FBXO4: variants seen among roughly 807,000 people sequenced by gnomAD.
FBXO4 encodes the protein F-box protein 4.
Under a neutral mutation model 43.7 loss-of-function variants are expected in FBXO4, and 36 were observed. The observed-to-expected ratio is 0.82, with a 90% confidence interval of 0.63 to 1.09. The LOEUF is 1.09. Ranked by LOEUF, FBXO4 falls within the 50% of genes least tolerant of loss-of-function variation. The pLI, the probability that FBXO4 is intolerant of heterozygous loss-of-function variation, is 0.00. For synonymous variants in FBXO4, 180 were observed against 165.6 expected (o/e 1.09, Z -0.67); for missense variants, 435 against 474.1 (o/e 0.92, Z 0.77).
downstream of FBXO4, among the ~76,000 whole-genome samples, chr5:41,946,610 C>A (rs1752080486): frequency 6.6e-6 from 1 of 152,168 alleles, no homozygotes; most frequent in South Asian, 2.1e-4. Flanking sequence ...AACAATTTTA[C>A]ATGCCAAGTG....
chr5:41,999,526 TATATATATAC>T, the FBXO4 span, among the ~76,000 whole-genome samples: 2 of 113,468 alleles, frequency 1.8e-5, no homozygotes. Context: ...TATATATACA[TATATATATAC>T]ATATATATGT....
the FBXO4 span, among the ~76,000 whole-genome samples, chr5:42,011,640 C>T: frequency 6.6e-6 from 1 of 152,134 alleles, no homozygotes; most frequent in Non-Finnish European, 1.5e-5. Flanking sequence ...TATTGTTTCT[C>T]ATTATTATAA....
chr5:41,949,902 A>G, the FBXO4 span, among the ~76,000 whole-genome samples: 9 of 152,218 alleles, frequency 5.9e-5, no homozygotes, highest in African/African-American at 9.6e-5. Flanking sequence ...GCCCTCAGAA[A>G]TAATGCCACA....
At chr5:42,015,662 C>T in the FBXO4 span, among the ~76,000 whole-genome samples, 1 of 151,784 alleles carries the variant, frequency 6.6e-6, no homozygotes, top group Non-Finnish European at 1.5e-5. Context: ...CTCTTTCTTT[C>T]TGCTCTGGTG....
chr5:41,993,881 G>T, the FBXO4 span, among the ~76,000 whole-genome samples: 151,376 of 152,140 alleles, frequency 0.99, 75,331 homozygotes, highest in Middle Eastern at 1. Context: ...GCTTTATATT[G>T]GCTGGCAGCT....
chr5:42,016,476 A>G, the FBXO4 span, among the ~76,000 whole-genome samples: 28 of 151,116 alleles, frequency 1.9e-4, no homozygotes, highest in South Asian at 5.2e-3. Context: ...AGCAGACTAG[A>G]AAAACAAAAA....
the FBXO4 span, among the ~76,000 whole-genome samples, chr5:41,997,867 T>C: frequency 1.3e-5 from 2 of 152,136 alleles, no homozygotes; most frequent in African/African-American, 4.8e-5. Flanking sequence ...GGGTTCTTCC[T>C]CAAGGGGACC....
At chr5:41,951,525 C>A in the FBXO4 span, 2 of 259,432 alleles carry the variant, frequency 7.7e-6, no homozygotes, top group South Asian at 4.7e-5. Flanking sequence ...CCCTGAAATT[C>A]CTCCTTGGTC....
At chr5:42,004,040 C>A in the FBXO4 span, among the ~76,000 whole-genome samples, 2 of 152,142 alleles carry the variant, frequency 1.3e-5, no homozygotes, top group African/African-American at 4.8e-5. Flanking sequence ...GAATATTATG[C>A]AGCCATGAAA....
the FBXO4 span, among the ~76,000 whole-genome samples, chr5:42,027,806 C>G: frequency 6.6e-6 from 1 of 151,828 alleles, no homozygotes; most frequent in Non-Finnish European, 1.5e-5. Context: ...CATTCAGGAG[C>G]CTATTCTTTA....
the FBXO4 span, among the ~76,000 whole-genome samples, chr5:42,032,431 G>A: frequency 6.6e-6 from 1 of 152,056 alleles, no homozygotes. Context: ...AGCTGAGCTG[G>A]CACTCAATTC....
At chr5:41,995,148 GC>G in the FBXO4 span, among the ~76,000 whole-genome samples, 1 of 152,130 alleles carries the variant, frequency 6.6e-6, no homozygotes, top group Non-Finnish European at 1.5e-5. Flanking sequence ...ATGAGCATAA[GC>G]CCACTGCCAC....
At chr5:41,967,655 C>T in the FBXO4 span, 3 of 767,886 alleles carry the variant, frequency 3.9e-6, no homozygotes, top group Admixed American at 1.8e-5. Flanking sequence ...TTCCCACACA[C>T]TGCATGGAGT....
chr5:41,947,066 A>T, the FBXO4 span, among the ~76,000 whole-genome samples: 2 of 152,242 alleles, frequency 1.3e-5, no homozygotes, highest in African/African-American at 4.8e-5. Context: ...TTGAATAAAT[A>T]GGTGATACAT....
chr5:41,951,622 G>T, the FBXO4 span: 1 of 207,202 alleles, frequency 4.8e-6, no homozygotes, highest in East Asian at 1.7e-4. Context: ...TCTCCCATGG[G>T]TGTTCACAGG....
the FBXO4 span, among the ~76,000 whole-genome samples, chr5:42,037,747 T>C: frequency 6.6e-6 from 1 of 152,184 alleles, no homozygotes. Flanking sequence ...CAGCAAAGAA[T>C]GTAGTTTTCA....
At chr5:42,026,423 A>G in the FBXO4 span, among the ~76,000 whole-genome samples, 1 of 152,028 alleles carries the variant, frequency 6.6e-6, no homozygotes, top group Non-Finnish European at 1.5e-5. Flanking sequence ...GCATCCTGCA[A>G]CTTTCCTGAA....
intron 2 of FBXO4, among the ~76,000 whole-genome samples, chr5:41,927,579 A>T (rs1751547505): frequency 6.6e-6 from 1 of 152,230 alleles, no homozygotes; most frequent in Non-Finnish European, 1.5e-5. Context: ...CAGAAAAAGG[A>T]TGATCAGAGA....
chr5:41,961,425 C>T, the FBXO4 span, among the ~76,000 whole-genome samples: 3 of 152,080 alleles, frequency 2.0e-5, no homozygotes, highest in Admixed American at 2.0e-4. Context: ...TAAGTTGAGG[C>T]CTAAAGCATG....
Sources: gnomAD v4.1 joint callset for allele counts (sites outside exome capture counted in the v4.1 genomes callset) on GRCh38, gnomAD v4.1.1 for gene constraint, MANE v1.5 for transcripts, NCBI Gene and HGNC (gene_info 2026-07-23, HGNC 2026-07-21) for gene names.